The following NIPBL variants were observed in gnomAD, a reference collection of about 807,000 sequenced individuals.
NIPBL encodes nipped-B-like protein.
In NIPBL, 19 loss-of-function variants were observed where a neutral mutation model predicts 321.8. The ratio of observed to expected loss-of-function variants is 0.06; its 90% confidence interval spans 0.04 to 0.09. NIPBL has a LOEUF of 0.09. Ranked by LOEUF, NIPBL falls within the 10% of genes least tolerant of loss-of-function variation. The pLI, the probability that NIPBL is intolerant of heterozygous loss-of-function variation, is 1.00. For synonymous variants in NIPBL, 1,106 were observed against 1,114.1 expected, an observed-to-expected ratio of 0.99 and a Z score of 0.14; for missense variants, 2,210 against 3,327.0, an observed-to-expected ratio of 0.66 and a Z score of 8.26.
In NIPBL at chr5:36,885,777, C is replaced by A; in HGVS notation, c.-80+8599C>A. The A allele has an allele frequency of 4.8e-6, 3 of 624,378 alleles. No homozygotes were observed. The East Asian group carries it at 9.6e-5, about 20-fold the overall frequency. The allele number at this position is 624,378 out of a possible 1,614,324, so 38.7% of individuals were successfully genotyped here. A position where few individuals can be genotyped will look rare whatever the true frequency, so the allele number is the denominator to read the frequency against. On this transcript the variant is annotated intron_variant, in intron 1 of 46. Coordinates refer to ENST00000282516, the MANE Select transcript of NIPBL (RefSeq NM_133433.4). ...GGGCTCTGCAAGGTCATTGATGACA[C>A]CAGTGTCACTTGGCTGTAGCTAGAG...
At chr5:36,958,825 G>A (rs1741273170) in intron 4 of NIPBL, among the ~76,000 whole-genome samples, 1 of 152,118 alleles carries the variant, frequency 6.6e-6, no homozygotes, top group Non-Finnish European at 1.5e-5. Flanking sequence ...AAGCCCAAGT[G>A]CCTGTTTGGC....
intron 9 of NIPBL, among the ~76,000 whole-genome samples, chr5:36,981,901 T>C (rs1744189064): frequency 6.6e-6 from 1 of 151,814 alleles, no homozygotes; most frequent in Non-Finnish European, 1.5e-5. Context: ...AATTAGCCAC[T>C]CAGCCTGTAT....
At chr5:36,922,774 G>A (rs934836866) in intron 1 of NIPBL, among the ~76,000 whole-genome samples, 2 of 152,042 alleles carry the variant, frequency 1.3e-5, no homozygotes, top group East Asian at 3.8e-4. Context: ...ATGTACCATC[G>A]CAATTTTGTT....
chr5:36,896,243 T>C (rs1470405869), intron 1 of NIPBL, among the ~76,000 whole-genome samples: 2 of 152,220 alleles, frequency 1.3e-5, no homozygotes, highest in Non-Finnish European at 1.5e-5. Flanking sequence ...GAATGTAAAT[T>C]TAAGAGTTTA....
intron 1 of NIPBL, among the ~76,000 whole-genome samples, chr5:36,929,781 A>T (rs115846437): frequency 0.022 from 3,353 of 152,132 alleles, 124 homozygotes; most frequent in African/African-American, 0.078. Flanking sequence ...GTCTGTTTTT[A>T]AATTTATTTT....
At chr5:36,888,947 T>G (rs1746119888) in intron 1 of NIPBL, among the ~76,000 whole-genome samples, 1 of 152,184 alleles carries the variant, frequency 6.6e-6, no homozygotes, top group African/African-American at 2.4e-5. Context: ...TACCATATTT[T>G]GGAATGAATA....
chr5:36,936,844 G>GA (rs1038922067), intron 1 of NIPBL, among the ~76,000 whole-genome samples: 1,631 of 141,592 alleles, frequency 0.012, 8 homozygotes, highest in Non-Finnish European at 0.017. Context: ...AGATTAAATG[G>GA]AAAAAAAAAA....
rs201348552 is a variant in NIPBL at position 36,955,455 on chromosome 5, G to C, written c.65-17G>C. On this transcript the variant is annotated splice_polypyrimidine_tract_variant and intron_variant, in intron 2 of 46. Coordinates refer to ENST00000282516, the MANE Select transcript of NIPBL (RefSeq NM_133433.4). ...ATAGTCACTCAATTTCTAATAATCT[G>C]ATTTTATTCCAAATAGTCCTGAACC... 483 of 1,607,244 alleles carry C rather than the reference G, an allele frequency of 3.0e-4. No homozygotes were observed. The African/African-American group carries it at 5.7e-3, about 19-fold the overall frequency.
chr5:36,995,270 A>G, intron 10 of NIPBL: 1 of 200,340 alleles, frequency 5.0e-6, no homozygotes, highest in South Asian at 8.9e-5. Flanking sequence ...TGTCAAGTGT[A>G]CCTCTTACCA....
rs951347435 is a variant in NIPBL, at chr5:36,886,623, G to T, written c.-80+9445G>T. On this transcript the variant is annotated intron_variant, in intron 1 of 46. Transcript: ENST00000282516. ...GACTGAAATTTTTTTAATATGTCAG[G>T]TGTATTGAGGTATAATTTATACAGT... The T allele has an allele frequency of 3.7e-5, 19 of 511,752 alleles. No individual in the cohort carries two copies. In the Admixed American group the frequency reaches 3.8e-4, roughly 10 times the overall value. The allele number at this position is 511,752 out of a possible 1,614,324, so 31.7% of individuals were successfully genotyped here.
intron 21 of NIPBL, among the ~76,000 whole-genome samples, chr5:37,011,251 A>T (rs1298414528): frequency 6.6e-6 from 1 of 152,164 alleles, no homozygotes; most frequent in Non-Finnish European, 1.5e-5. Context: ...ATAATAATAA[A>T]TATGTAATAA....
chr5:36,951,916 T>C (rs1000364016), intron 1 of NIPBL, among the ~76,000 whole-genome samples: 16 of 151,538 alleles, frequency 1.1e-4, no homozygotes, highest in African/African-American at 3.9e-4. Context: ...AAAGAGGAAA[T>C]GATTACCACA....
Position 36,882,804 on chromosome 5 carries a change from T to G in NIPBL, c.-80+5626T>G, listed in dbSNP as rs537122946. ...ATTATGAAGTTAGTGACACTGTTTT[T>G]CTTGTGGAGCTTACAAGAGTAATTC... On this transcript the variant is annotated intron_variant, in intron 1 of 46. Coordinates refer to ENST00000282516, the MANE Select transcript of NIPBL (RefSeq NM_133433.4). Among the ~76,000 whole-genome samples the G allele has an allele frequency of 3.3e-5, 5 of 152,048 alleles. No individual in the cohort carries two copies. In the East Asian group the frequency reaches 9.6e-4, roughly 29 times the overall value.
intron 1 of NIPBL, among the ~76,000 whole-genome samples, chr5:36,902,029 T>A (rs147292380): frequency 1.5e-3 from 234 of 152,296 alleles, no homozygotes; most frequent in African/African-American, 5.5e-3. Context: ...ATTTTTTTGA[T>A]ATGCTTATTG....
At chr5:36,973,053 T>C (rs1368751495) in intron 8 of NIPBL, among the ~76,000 whole-genome samples, 1 of 152,196 alleles carries the variant, frequency 6.6e-6, no homozygotes, top group Non-Finnish European at 1.5e-5. Flanking sequence ...ATTGTGAATT[T>C]AAGTCCAGGT....
intron 1 of NIPBL, among the ~76,000 whole-genome samples, chr5:36,915,946 G>C (rs943892260): frequency 1.3e-5 from 2 of 152,232 alleles, no homozygotes; most frequent in Admixed American, 1.3e-4. Flanking sequence ...ATCATTGATA[G>C]AACACAGACT....
intron 42 of NIPBL, among the ~76,000 whole-genome samples, chr5:37,053,723 A>T (rs74728183): frequency 6.6e-6 from 1 of 152,234 alleles, no homozygotes; most frequent in African/African-American, 2.4e-5. Context: ...CCATAGGCCA[A>T]GAAAACTGAA....
chr5:36,956,120 A>G (rs1167841987), intron 3 of NIPBL, among the ~76,000 whole-genome samples: 1 of 151,610 alleles, frequency 6.6e-6, no homozygotes, highest in Non-Finnish European at 1.5e-5. Flanking sequence ...AGTCCCAGCT[A>G]CTCGGGAGGC....
intron 6 of NIPBL, among the ~76,000 whole-genome samples, chr5:36,963,921 A>G (rs1741913604): frequency 6.6e-6 from 1 of 152,224 alleles, no homozygotes; most frequent in Non-Finnish European, 1.5e-5. Flanking sequence ...TCTGAGGGAC[A>G]TTTTACATGT....
Sources: gnomAD v4.1 joint callset for allele counts (sites outside exome capture counted in the v4.1 genomes callset) on GRCh38, gnomAD v4.1.1 for gene constraint, MANE v1.5 for transcripts, NCBI Gene and HGNC (gene_info 2026-07-23, HGNC 2026-07-21) for gene names.